Variants in CTNNA2 observed in about 807,000 individuals in gnomAD.
CTNNA2 encodes catenin alpha 2.
CTNNA2 carries 42 observed loss-of-function variants against 101.0 expected under a neutral mutation model. The observed-to-expected ratio is 0.42, with a 90% CI of 0.32 to 0.54. The LOEUF (loss-of-function observed/expected upper bound fraction) is 0.54, where lower values mean the gene tolerates loss of function less well. Among genes scored for constraint, CTNNA2 ranks in the 20% least tolerant of loss-of-function variants. The pLI is 0.14. For missense variants in CTNNA2, 871 were observed against 1,223.1 expected (o/e 0.71, Z 4.29); for synonymous variants, 450 against 456.4 (o/e 0.99, Z 0.18).
chr2:79,354,680 A>C (rs757734816), intron 3 of CTNNA2, among the ~76,000 whole-genome samples: 4 of 152,036 alleles, frequency 2.6e-5, no homozygotes, highest in Non-Finnish European at 5.9e-5. Context: ...CTGCCAGCTT[A>C]ACTATCCTTG....
At chr2:80,401,331 C>G (rs570062776) in intron 8 of CTNNA2, among the ~76,000 whole-genome samples, 1 of 152,278 alleles carries the variant, frequency 6.6e-6, no homozygotes, top group East Asian at 1.9e-4. Context: ...TCTAAACTCA[C>G]ATGTCTCTGG....
At chr2:79,396,593 A>C (rs1042047927) in intron 4 of CTNNA2, among the ~76,000 whole-genome samples, 3 of 152,140 alleles carry the variant, frequency 2.0e-5, no homozygotes, top group African/African-American at 7.2e-5. Flanking sequence ...ATAAAATTTC[A>C]CTTTTCTAAT....
chr2:80,415,980 TAA>T (rs1680003018), intron 8 of CTNNA2, among the ~76,000 whole-genome samples: 1 of 151,948 alleles, frequency 6.6e-6, no homozygotes, highest in Non-Finnish European at 1.5e-5. Context: ...ATATGGAACC[TAA>T]AAACAAACAA....
chr2:79,859,368 A>C (rs1681404838), intron 4 of CTNNA2, among the ~76,000 whole-genome samples: 1 of 152,144 alleles, frequency 6.6e-6, no homozygotes, highest in Non-Finnish European at 1.5e-5. Context: ...AATCATCAAG[A>C]AATTACTTAA....
chr2:79,842,596 A>G (rs1679908792), intron 3 of CTNNA2, among the ~76,000 whole-genome samples: 1 of 152,164 alleles, frequency 6.6e-6, no homozygotes, highest in Non-Finnish European at 1.5e-5. Flanking sequence ...CATCAAGGTT[A>G]CTAAGATCAC....
At chr2:79,332,469 C>G (rs558114477) in intron 3 of CTNNA2, among the ~76,000 whole-genome samples, 13 of 152,238 alleles carry the variant, frequency 8.5e-5, no homozygotes, top group Non-Finnish European at 1.5e-4. Flanking sequence ...GAGAGGGTCT[C>G]CTCCTAGCAA....
intron 7 of CTNNA2, among the ~76,000 whole-genome samples, chr2:80,174,358 T>C (rs991370399): frequency 5.3e-5 from 8 of 152,168 alleles, no homozygotes; most frequent in African/African-American, 1.9e-4. Context: ...TATACTCTTG[T>C]GTTATGATAC....
chr2:79,307,603 T>C (rs1477147213), intron 2 of CTNNA2, among the ~76,000 whole-genome samples: 1 of 152,206 alleles, frequency 6.6e-6, no homozygotes, highest in South Asian at 2.1e-4. Context: ...ATATATCACC[T>C]TTTCTTTACC....
chr2:80,547,802 G>A lies in CTNNA2; in HGVS notation c.1540+1739G>A, dbSNP rs187169240. The stretch of plus-strand genomic sequence containing the variant: ...CCTCCCGGATTCAAGCTGTTTTCCC[G>A]CCTCAGCCTCCAGAGTAGCTGGGAT... On this transcript the variant is annotated intron_variant, in intron 11 of 18. Coordinates refer to ENST00000402739, the MANE Select transcript of CTNNA2 (RefSeq NM_001282597.3). Among the ~76,000 whole-genome samples the A allele has an allele frequency of 4.1e-5, 6 of 146,588 alleles. No homozygotes were observed. In the East Asian group the frequency reaches 8.4e-4, roughly 20 times the overall value.
chr2:80,521,032 T>C (rs530687354), intron 9 of CTNNA2, among the ~76,000 whole-genome samples: 1 of 152,154 alleles, frequency 6.6e-6, no homozygotes, highest in African/African-American at 2.4e-5. Context: ...GAGGATGAGA[T>C]GCACTGGCCC....
At chr2:79,408,662 G>A (rs569521383) in intron 4 of CTNNA2, among the ~76,000 whole-genome samples, 21 of 152,198 alleles carry the variant, frequency 1.4e-4, no homozygotes, top group African/African-American at 5.1e-4. Context: ...GTATTCCATG[G>A]TGTAAATGTG....
chr2:80,390,206 C>T (rs1199112409), intron 7 of CTNNA2, among the ~76,000 whole-genome samples: 1 of 152,208 alleles, frequency 6.6e-6, no homozygotes, highest in African/African-American at 2.4e-5. Context: ...AGCTAATTTT[C>T]TCTTTCCTCT....
At chr2:80,236,509 G>A (rs73938249) in intron 7 of CTNNA2, among the ~76,000 whole-genome samples, 2,774 of 152,180 alleles carry the variant, frequency 0.018, 86 homozygotes, top group African/African-American at 0.063. Flanking sequence ...TCATTACTTA[G>A]TGCCTTGTAG....
chr2:80,294,330 C>T (rs1486695431), intron 7 of CTNNA2, among the ~76,000 whole-genome samples: 1 of 152,136 alleles, frequency 6.6e-6, no homozygotes. Context: ...GAGACTAATT[C>T]TAAGTACACC....
intron 7 of CTNNA2, among the ~76,000 whole-genome samples, chr2:80,083,361 G>T (rs1274872632): frequency 6.6e-6 from 1 of 152,112 alleles, no homozygotes; most frequent in Non-Finnish European, 1.5e-5. Context: ...TCTATTAACT[G>T]CTTCAGTAGG....
At chr2:80,245,776 A>G (rs1024475221) in intron 7 of CTNNA2, among the ~76,000 whole-genome samples, 2 of 141,588 alleles carry the variant, frequency 1.4e-5, no homozygotes, top group East Asian at 2.0e-4. Context: ...ACCATTTAAA[A>G]CTGTGATTAT....
intron 7 of CTNNA2, among the ~76,000 whole-genome samples, chr2:80,132,975 G>T (rs1213626286): frequency 6.6e-6 from 1 of 152,168 alleles, no homozygotes; most frequent in Non-Finnish European, 1.5e-5. Flanking sequence ...GTTGAAGCCT[G>T]AACTCCCAGT....
intron 7 of CTNNA2, among the ~76,000 whole-genome samples, chr2:79,952,120 C>A (rs147249639): frequency 6.6e-6 from 1 of 152,268 alleles, no homozygotes; most frequent in East Asian, 1.9e-4. Flanking sequence ...CCCACCCAAC[C>A]CTAGTAAAAG....
chr2:80,348,307 T>A (rs1672962570), intron 7 of CTNNA2, among the ~76,000 whole-genome samples: 1 of 152,234 alleles, frequency 6.6e-6, no homozygotes, highest in Admixed American at 6.5e-5. Context: ...ATATGGTTAT[T>A]CTAGACCAGT....
Sources: allele counts gnomAD v4.1 joint callset (sites outside exome capture counted in the v4.1 genomes callset), GRCh38; gene constraint gnomAD v4.1.1; transcripts MANE v1.5; gene names NCBI Gene and HGNC (gene_info 2026-07-23, HGNC 2026-07-21).